ZFHX4: variants seen among roughly 807,000 people sequenced by gnomAD.
ZFHX4 encodes the protein zinc finger homeobox protein 4.
ZFHX4 carries 56 observed loss-of-function variants against 267.6 expected under a neutral mutation model. The ratio of observed to expected loss-of-function variants is 0.21; its 90% CI spans 0.17 to 0.26. ZFHX4 has a LOEUF of 0.26. Among genes scored for constraint, ZFHX4 ranks in the 10% least tolerant of loss-of-function variants. ZFHX4 has a pLI of 1.00. For synonymous variants in ZFHX4, 1,778 were observed against 1,665.6 expected (o/e 1.07, Z -1.64); for missense variants, 4,332 against 4,420.0 (o/e 0.98, Z 0.56).
intron 3 of ZFHX4, among the ~76,000 whole-genome samples, chr8:76,740,223 G>A (rs770683780): frequency 6.6e-5 from 10 of 151,736 alleles, no homozygotes; most frequent in Non-Finnish European, 1.5e-4. Context: ...TTTTTTATTT[G>A]TATTCCCTGG....
chr8:76,780,288 A>G (rs974386806), intron 4 of ZFHX4, among the ~76,000 whole-genome samples: 4 of 152,218 alleles, frequency 2.6e-5, no homozygotes, highest in Non-Finnish European at 4.4e-5. Flanking sequence ...CAAAGTACAA[A>G]GCATCTGTAT....
At chr8:76,732,614 A>G (rs1190904216) in intron 3 of ZFHX4, among the ~76,000 whole-genome samples, 1 of 152,184 alleles carries the variant, frequency 6.6e-6, no homozygotes, top group Non-Finnish European at 1.5e-5. Flanking sequence ...CACAGAGAAA[A>G]TGCCTTAGTT....
intron 3 of ZFHX4, among the ~76,000 whole-genome samples, chr8:76,769,338 C>A (rs1810196782): frequency 6.6e-6 from 1 of 151,280 alleles, no homozygotes; most frequent in Admixed American, 6.6e-5. Context: ...CTCTTTCTTT[C>A]TTTTCTTTCT....
At chr8:76,789,541 T>C (rs567479882) in intron 4 of ZFHX4, among the ~76,000 whole-genome samples, 1 of 152,252 alleles carries the variant, frequency 6.6e-6, no homozygotes, top group African/African-American at 2.4e-5. Context: ...ATTTAACCAG[T>C]TTAAATTGAT....
chr8:76,837,989 T>C (rs1812136642), intron 5 of ZFHX4, among the ~76,000 whole-genome samples: 1 of 152,226 alleles, frequency 6.6e-6, no homozygotes, highest in Non-Finnish European at 1.5e-5. Context: ...TGTTATTCCA[T>C]AACAAACCTA....
chr8:76,763,762 AG>A (rs1809980091), intron 3 of ZFHX4, among the ~76,000 whole-genome samples: 1 of 152,206 alleles, frequency 6.6e-6, no homozygotes, highest in South Asian at 2.1e-4. Context: ...AATGTGCTAT[AG>A]GCGTAGGAAA....
chr8:76,694,378 G>T (rs1391215846), intron 1 of ZFHX4, among the ~76,000 whole-genome samples: 1 of 152,144 alleles, frequency 6.6e-6, no homozygotes, highest in African/African-American at 2.4e-5. Context: ...AAGAGATTTA[G>T]TAACATAGGA....
intron 4 of ZFHX4, among the ~76,000 whole-genome samples, chr8:76,786,225 T>C (rs1438154259): frequency 6.6e-6 from 1 of 151,914 alleles, no homozygotes; most frequent in Non-Finnish European, 1.5e-5. Flanking sequence ...GACAGAACTT[T>C]TAAAAAAAAG....
At chr8:76,752,309 A>G (rs1354635395) in intron 3 of ZFHX4, among the ~76,000 whole-genome samples, 1 of 151,744 alleles carries the variant, frequency 6.6e-6, no homozygotes, top group Non-Finnish European at 1.5e-5. Context: ...TTTTTTAAAA[A>G]AAATTAACAG....
chr8:76,780,236 C>T (rs1383356801), intron 4 of ZFHX4, among the ~76,000 whole-genome samples: 1 of 152,066 alleles, frequency 6.6e-6, no homozygotes, highest in Non-Finnish European at 1.5e-5. Flanking sequence ...CTATGTCTTA[C>T]AATGTGTTTT....
At chr8:76,808,933 TCA>T (rs1196242716) in intron 4 of ZFHX4, among the ~76,000 whole-genome samples, 4 of 145,030 alleles carry the variant, frequency 2.8e-5, no homozygotes, top group Non-Finnish European at 1.5e-5. Flanking sequence ...TCTCTCTCTC[TCA>T]CACACACACA....
chr8:76,708,213 T>C, intron 3 of ZFHX4, 165 bp downstream of exon 3: 1 of 867,614 alleles, frequency 1.2e-6, no homozygotes, highest in East Asian at 2.7e-5. Context: ...TTGAAATATA[T>C]GGAATTGAAG....
At chr8:76,827,364 G>T (rs1282744913) in intron 4 of ZFHX4, among the ~76,000 whole-genome samples, 1 of 152,152 alleles carries the variant, frequency 6.6e-6, no homozygotes, top group African/African-American at 2.4e-5. Context: ...CCTGCAGCAT[G>T]GCCCGTTCCT....
intron 1 of ZFHX4, among the ~76,000 whole-genome samples, chr8:76,692,341 G>T (rs925507597): frequency 1.9e-4 from 29 of 152,098 alleles, no homozygotes; most frequent in African/African-American, 6.0e-4. Flanking sequence ...ACTGGATTAT[G>T]TACTTGCTAT....
In ZFHX4 at chr8:76,851,667, A is replaced by G; in HGVS notation, c.4746A>G (p.Gln1582=). ...VLQEASSPVP[Q]ETNSNTDNKP... ...AGGAAGCCTCCAGTCCTGTCCCACA[A>G]GAAACCAACAGCAACACAGATAACA... The change falls in exon 10 of 11, where the codon CAA becomes CAG. Residue 1582 remains glutamine, a synonymous_variant. Coordinates refer to ENST00000651372, the MANE Select transcript of ZFHX4 (RefSeq NM_024721.5). The G allele has an allele frequency of 1.2e-6, 2 of 1,613,928 alleles. No individual in the cohort carries two copies. The highest frequency in any genetic ancestry group is 1.7e-6 in the Non-Finnish European group (2 of 1,179,850).
intron 3 of ZFHX4, among the ~76,000 whole-genome samples, chr8:76,718,437 T>C (rs1001789372): frequency 5.3e-5 from 8 of 152,178 alleles, no homozygotes; most frequent in African/African-American, 9.6e-5. Context: ...TTATGATTTT[T>C]ATTAGAAAAT....
chr8:76,829,920 G>C (rs1388925510), intron 4 of ZFHX4, among the ~76,000 whole-genome samples: 1 of 152,118 alleles, frequency 6.6e-6, no homozygotes, highest in African/African-American at 2.4e-5. Context: ...ATTCAGGCCT[G>C]AACGAGAATG....
At chr8:76,759,176 G>A (rs771554566) in intron 3 of ZFHX4, among the ~76,000 whole-genome samples, 2 of 151,944 alleles carry the variant, frequency 1.3e-5, no homozygotes, top group Non-Finnish European at 2.9e-5. Context: ...TTGATTTTAT[G>A]CTTCCATAGA....
chr8:76,736,177 C>A (rs1239620242), intron 3 of ZFHX4, among the ~76,000 whole-genome samples: 1 of 150,056 alleles, frequency 6.7e-6, no homozygotes, highest in Non-Finnish European at 1.5e-5. Context: ...TTTAACCTAA[C>A]AACATTTTTC....
Sources: gnomAD v4.1 joint callset for allele counts (sites outside exome capture counted in the v4.1 genomes callset) on GRCh38, gnomAD v4.1.1 for gene constraint, MANE v1.5 for transcripts, NCBI Gene and HGNC (gene_info 2026-07-23, HGNC 2026-07-21) for gene names.